NFASC: variants seen among roughly 807,000 people sequenced by gnomAD.
The protein encoded by NFASC is neurofascin, also known as neurofascin homolog.
Under a neutral mutation model 147.5 loss-of-function variants are expected in NFASC, and 43 were observed. The ratio of observed to expected loss-of-function variants is 0.29; its 90% confidence interval spans 0.23 to 0.38. The LOEUF (loss-of-function observed/expected upper bound fraction) is 0.38. Among genes scored for constraint, NFASC ranks in the 10% least tolerant of loss-of-function variants. The probability of loss-of-function intolerance (pLI) is 1.00; values close to 1 mark genes in which losing one functional copy is unlikely to be tolerated. For missense variants in NFASC, 1,320 were observed against 1,689.0 expected (o/e 0.78, Z 3.83); for synonymous variants, 622 against 665.5 (o/e 0.93, Z 1.01).
chr1:204,954,334 G>A lies in NFASC; in HGVS notation c.362G>A (p.Arg121His), dbSNP rs776828492. Residue 121 changes from arginine to histidine, a missense_variant, in exon 6 of 30, where the codon CGC (arginine) becomes CAC (histidine). By Grantham distance (29) the Arg-to-His change is conservative. Around this residue, in one of 3 missense-constraint regions of NFASC, gnomAD observed 981 missense variants for 1,289.5 expected, o/e 0.76. Transcript: ENST00000339876. The surrounding 1 kb of genome is among the most constrained non-coding windows in gnomAD (Gnocchi z 5.7). Reference sequence around the variant, plus strand: ...GAGGGGGAATATCAGTGCTTCGCCCGCAACAAATTTGGCACGGCCCTGTCC... The same window carrying A: ...GAGGGGGAATATCAGTGCTTCGCCCACAACAAATTTGGCACGGCCCTGTCC... ...EYEGEYQCFA[R>H]NKFGTALSNR... is the part of the protein sequence containing the mutation. 11 of 1,614,002 alleles carry A rather than the reference G, an allele frequency of 6.8e-6. No individual in the cohort carries two copies. Among genetic ancestry groups the A allele is most frequent in the Admixed American group, 1.7e-5 (1 of 60,004 alleles).
chr1:204,939,226 T>G (rs1406291767), intron 2 of NFASC, among the ~76,000 whole-genome samples: 1 of 152,092 alleles, frequency 6.6e-6, no homozygotes, highest in Admixed American at 6.6e-5. Context: ...CCCTGCCCCC[T>G]GCAATGAGCC....
intron 1 of NFASC, among the ~76,000 whole-genome samples, chr1:204,833,411 G>T (rs1222892843): frequency 6.6e-6 from 1 of 152,152 alleles, no homozygotes; most frequent in Non-Finnish European, 1.5e-5. Flanking sequence ...TGACTTCAAA[G>T]CCTGTGCTCC....
At chr1:204,908,011 T>A (rs1328387465) in intron 1 of NFASC, among the ~76,000 whole-genome samples, 1 of 152,166 alleles carries the variant, frequency 6.6e-6, no homozygotes, top group Admixed American at 6.5e-5. Flanking sequence ...AGACAGGGTC[T>A]TGTTCTGTCA....
At chr1:204,961,935 G>A (rs866748257) in intron 8 of NFASC, among the ~76,000 whole-genome samples, 1 of 152,070 alleles carries the variant, frequency 6.6e-6, no homozygotes, top group South Asian at 2.1e-4. Context: ...TGTGTTGCTT[G>A]TTCTTCACTG....
At chr1:204,907,966 G>T (rs1313592465) in intron 1 of NFASC, among the ~76,000 whole-genome samples, 1 of 146,876 alleles carries the variant, frequency 6.8e-6, no homozygotes, top group East Asian at 2.0e-4. Context: ...GTGTGTGTGT[G>T]TATGGGTTTT....
At chr1:204,982,627 A>C (rs1289254554) in intron 21 of NFASC, among the ~76,000 whole-genome samples, 1 of 152,340 alleles carries the variant, frequency 6.6e-6, no homozygotes, top group Admixed American at 6.5e-5. Context: ...CTGGTAAAAC[A>C]ACAAGATTCT....
At chr1:204,998,065 C>T (rs2095886015) in intron 25 of NFASC, 1 of 153,442 alleles carries the variant, frequency 6.5e-6, no homozygotes, top group South Asian at 2.0e-4. Flanking sequence ...CAAATGCAGG[C>T]ATGGAGGGAA....
At chr1:204,974,462 C>A in intron 13 of NFASC, 172 bp downstream of exon 13, 1 of 825,064 alleles carries the variant, frequency 1.2e-6, no homozygotes, top group Non-Finnish European at 2.0e-6. Context: ...GAATGGGAAA[C>A]CAAGACCTTG....
At chr1:205,005,975 G>A (rs192719643) in intron 27 of NFASC, among the ~76,000 whole-genome samples, 2 of 152,338 alleles carry the variant, frequency 1.3e-5, no homozygotes, top group South Asian at 2.1e-4. Context: ...GGAGACAGCT[G>A]TCAGGGTGCA....
In NFASC at chr1:204,848,487, A is replaced by C. The variant is rs1444869905; in HGVS notation, c.-200+19705A>C. Among the ~76,000 whole-genome samples the C allele has an allele frequency of 2.0e-5, 3 of 152,144 alleles. No individual in the cohort carries two copies. In the East Asian group the frequency reaches 5.8e-4, roughly 29 times the overall value. ...GCGAACCTCCTGCCTTGGCTTCCCAAAGTGTTGTGATTACAGGCATAAGCC... is the reference window on the plus strand; with the variant it reads ...GCGAACCTCCTGCCTTGGCTTCCCACAGTGTTGTGATTACAGGCATAAGCC... On this transcript the variant is annotated intron_variant, in intron 1 of 29. Coordinates refer to ENST00000339876, the MANE Select transcript of NFASC (RefSeq NM_001005388.3).
At chr1:204,991,906 G>A (rs377026801) in intron 24 of NFASC, among the ~76,000 whole-genome samples, 21 of 152,322 alleles carry the variant, frequency 1.4e-4, no homozygotes, top group South Asian at 8.3e-4. Flanking sequence ...AGCAGGCACC[G>A]TGGGCTGATT....
Position 205,009,571 on chromosome 1 carries a change from C to A in NFASC, c.3304C>A (p.Gln1102Lys), listed in dbSNP as rs781305858. The A allele has an allele frequency of 5.0e-6, 8 of 1,614,166 alleles. No homozygotes were observed. The highest frequency in any genetic ancestry group is 1.1e-5 in the South Asian group (1 of 91,084). The change falls in exon 28 of 30, where the codon CAA becomes AAA. Residue 1102 changes from glutamine to lysine, a missense_variant. This residue lies in a region of NFASC where 167 missense variants were observed against 233.8 expected (regional missense o/e 0.71). Transcript: ENST00000339876. ...CTCCCCGCCAGCTTACACCAACAAC[C>A]AAGCGGACATCGCCACCCAGGGCTG... Reference protein sequence around the residue: ...FMTSTAYTNNQADIATQGWFI... With the variant: ...FMTSTAYTNNKADIATQGWFI...
rs146026770 is a variant in NFASC at position 205,001,761 on chromosome 1, G to A, written c.3136+475G>A. ...CCAGAGCCATTTGTCCCAGCTGGTG[G>A]CTTGAGCTGAGTTGCTCACCCTTTG... On this transcript the variant is annotated intron_variant, in intron 26 of 29. Coordinates refer to ENST00000339876, the MANE Select transcript of NFASC (RefSeq NM_001005388.3). Among the ~76,000 whole-genome samples the A allele has an allele frequency of 2.9e-3, 442 of 152,318 alleles. 5 individuals carry two copies. The highest frequency in any genetic ancestry group is 0.023 in the South Asian group (109 of 4,828).
At chr1:204,870,733 T>A in intron 1 of NFASC, 9 of 1,151,222 alleles carry the variant, frequency 7.8e-6, no homozygotes, top group Non-Finnish European at 9.7e-6. Flanking sequence ...GTGTATTGTG[T>A]GGCGTTCCAT....
At chr1:204,842,606 T>C (rs930471365) in intron 1 of NFASC, among the ~76,000 whole-genome samples, 1 of 152,254 alleles carries the variant, frequency 6.6e-6, no homozygotes, top group Non-Finnish European at 1.5e-5. Context: ...TGGCCCGTTC[T>C]GTGTAACACC....
At chr1:204,839,781 T>C (rs985157150) in intron 1 of NFASC, among the ~76,000 whole-genome samples, 5 of 152,242 alleles carry the variant, frequency 3.3e-5, no homozygotes, top group African/African-American at 1.2e-4. Flanking sequence ...GACAGAGCCT[T>C]GCTCTTAGAC....
chr1:204,957,639 C>T lies in NFASC; in HGVS notation c.536-17C>T, dbSNP rs201260348. On this transcript the variant is annotated splice_polypyrimidine_tract_variant and intron_variant, in intron 7 of 29. Transcript: ENST00000339876. ...TTATTACTACTAACCTGCTGCCGTA[C>T]CTCTGCTTTCTTATAGCCATGGAGC... 5.2e-3 allele frequency: 8,374 copies of T among 1,612,850 alleles called. 37 individuals carry two copies. Among genetic ancestry groups the T allele is most frequent in the Non-Finnish European group, 6.4e-3 (7,505 of 1,178,880 alleles).
In NFASC at chr1:204,957,858, G is replaced by A. The variant is rs765339586; in HGVS notation, c.706+32G>A. On this transcript the variant is annotated intron_variant, in intron 8 of 29. Coordinates refer to ENST00000339876, the MANE Select transcript of NFASC (RefSeq NM_001005388.3). Reference sequence around the variant, plus strand: ...GAAGGCCCCTGTCCCGGGGCTGGGGGCCAAAGAAAGAAGCCCACTGATCCC... The same window carrying A: ...GAAGGCCCCTGTCCCGGGGCTGGGGACCAAAGAAAGAAGCCCACTGATCCC... The A allele has an allele frequency of 1.2e-5, 20 of 1,608,388 alleles. No individual in the cohort carries two copies. The Admixed American group carries it at 2.8e-4, about 23-fold the overall frequency.
chr1:204,972,011 C>T (rs2095273128), intron 11 of NFASC, among the ~76,000 whole-genome samples: 1 of 152,184 alleles, frequency 6.6e-6, no homozygotes, highest in African/African-American at 2.4e-5. Context: ...ATTGGTTGCA[C>T]GAGAATTTGC....
Sources: gnomAD v4.1 joint callset for allele counts (sites outside exome capture counted in the v4.1 genomes callset) on GRCh38, gnomAD v4.1.1 for gene constraint, gnomAD v4.1.1 regional missense constraint, Gnocchi (gnomAD v3.1) non-coding constraint, MANE v1.5 for transcripts, NCBI Gene and HGNC (gene_info 2026-07-23, HGNC 2026-07-21) for gene names.